Variants in SHISA9 observed in about 807,000 individuals in gnomAD.
SHISA9 encodes the protein protein shisa-9.
Under a neutral mutation model 38.0 loss-of-function variants are expected in SHISA9, and 13 were observed. The ratio of observed to expected loss-of-function variants is 0.34; its 90% CI spans 0.22 to 0.54. SHISA9 has a LOEUF of 0.54. Ranked by LOEUF, SHISA9 falls within the 20% of genes least tolerant of loss-of-function variation. The pLI is 0.91. For synonymous variants in SHISA9, 275 were observed against 242.0 expected, an observed-to-expected ratio of 1.14 and a Z score of -1.27; for missense variants, 538 against 575.8, an observed-to-expected ratio of 0.93 and a Z score of 0.67.
chr16:12,928,903 C>G (rs571394145), intron 2 of SHISA9, among the ~76,000 whole-genome samples: 2 of 152,306 alleles, frequency 1.3e-5, no homozygotes, highest in Admixed American at 1.3e-4. Context: ...CAAACTGTTT[C>G]TTGTGAACAT....
intron 2 of SHISA9, among the ~76,000 whole-genome samples, chr16:12,924,678 T>G (rs909417927): frequency 1.3e-5 from 2 of 152,196 alleles, no homozygotes; most frequent in Non-Finnish European, 2.9e-5. Context: ...TAGCCTGAAA[T>G]GAGTTTGATT....
intron 2 of SHISA9, among the ~76,000 whole-genome samples, chr16:13,156,383 G>A (rs573528463): frequency 1.1e-4 from 16 of 152,252 alleles, no homozygotes; most frequent in South Asian, 2.1e-4. Context: ...GTGTACACGC[G>A]TATATGCACA....
At chr16:13,043,187 G>C (rs1228931903) in intron 2 of SHISA9, among the ~76,000 whole-genome samples, 1 of 152,166 alleles carries the variant, frequency 6.6e-6, no homozygotes, top group African/African-American at 2.4e-5. Context: ...CATCTAACCA[G>C]TAAGTGGTGG....
At chr16:13,044,755 G>T (rs2073167957) in intron 2 of SHISA9, among the ~76,000 whole-genome samples, 2 of 152,178 alleles carry the variant, frequency 1.3e-5, no homozygotes, top group Admixed American at 1.3e-4. Context: ...GTTTTTCATT[G>T]TGTGACGAAT....
At chr16:12,947,222 T>C (rs1333205619) in intron 2 of SHISA9, among the ~76,000 whole-genome samples, 2 of 152,158 alleles carry the variant, frequency 1.3e-5, no homozygotes, top group African/African-American at 4.8e-5. Context: ...GAGAAGCAAG[T>C]ATACCTGGAA....
chr16:13,266,687 C>T, the SHISA9 span, among the ~76,000 whole-genome samples: 3 of 152,268 alleles, frequency 2.0e-5, no homozygotes, highest in African/African-American at 7.2e-5. Context: ...CCAAGGATAG[C>T]TCTGGGGACC....
intron 2 of SHISA9, among the ~76,000 whole-genome samples, chr16:12,933,000 A>G (rs961995138): frequency 2.0e-5 from 3 of 152,190 alleles, no homozygotes; most frequent in South Asian, 2.1e-4. Context: ...ATGATTTTGC[A>G]AATGAGGGGA....
At chr16:13,457,203 G>T in the SHISA9 span, among the ~76,000 whole-genome samples, 1 of 152,216 alleles carries the variant, frequency 6.6e-6, no homozygotes, top group South Asian at 2.1e-4. Context: ...CTACTCAGGA[G>T]GCTGAGGCAG....
At chr16:13,464,632 T>C in the SHISA9 span, among the ~76,000 whole-genome samples, 1 of 152,198 alleles carries the variant, frequency 6.6e-6, no homozygotes, top group Non-Finnish European at 1.5e-5. Flanking sequence ...TTGCTTTCCC[T>C]GATTAGAGCA....
chr16:13,412,731 C>T, the SHISA9 span, among the ~76,000 whole-genome samples: 4 of 151,624 alleles, frequency 2.6e-5, no homozygotes, highest in African/African-American at 7.3e-5. Context: ...GTGGCACACA[C>T]TGGTAGTTCC....
At chr16:13,501,548 T>C in the SHISA9 span, among the ~76,000 whole-genome samples, 2 of 152,140 alleles carry the variant, frequency 1.3e-5, no homozygotes, top group Non-Finnish European at 2.9e-5. Flanking sequence ...ACAGCAATAT[T>C]CTCCATTTGT....
the SHISA9 span, among the ~76,000 whole-genome samples, chr16:13,541,870 A>G: frequency 6.6e-6 from 1 of 152,216 alleles, no homozygotes; most frequent in African/African-American, 2.4e-5. Flanking sequence ...TGAGGTCAGG[A>G]CTTTTCATTC....
chr16:13,471,566 G>A, the SHISA9 span, among the ~76,000 whole-genome samples: 192 of 152,260 alleles, frequency 1.3e-3, no homozygotes, highest in African/African-American at 4.4e-3. Flanking sequence ...TGCTTCCCCT[G>A]CAGTGACAAC....
chr16:13,121,337 A>C (rs1488738116), intron 2 of SHISA9, among the ~76,000 whole-genome samples: 1 of 152,094 alleles, frequency 6.6e-6, no homozygotes, highest in Non-Finnish European at 1.5e-5. Context: ...AAAAATTTTA[A>C]AATTAGCCAG....
chr16:13,332,150 C>T, the SHISA9 span, among the ~76,000 whole-genome samples: 1 of 152,148 alleles, frequency 6.6e-6, no homozygotes, highest in Non-Finnish European at 1.5e-5. Context: ...AGGCCCTCTG[C>T]TGGTATACTG....
At chr16:13,039,699 A>G (rs1049899518) in intron 2 of SHISA9, among the ~76,000 whole-genome samples, 9 of 152,188 alleles carry the variant, frequency 5.9e-5, no homozygotes. Context: ...AATGAGGAGT[A>G]GTTGGTGTAC....
chr16:13,395,988 AT>A, the SHISA9 span, among the ~76,000 whole-genome samples: 1 of 152,184 alleles, frequency 6.6e-6, no homozygotes, highest in African/African-American at 2.4e-5. Flanking sequence ...ATCTCTTTTT[AT>A]TTGAAACACG....
At chr16:13,278,218 T>A in the SHISA9 span, among the ~76,000 whole-genome samples, 2 of 152,170 alleles carry the variant, frequency 1.3e-5, no homozygotes, top group Non-Finnish European at 2.9e-5. Flanking sequence ...TGTATCACAT[T>A]TATTGACTTG....
chr16:13,343,504 T>A, the SHISA9 span, among the ~76,000 whole-genome samples: 380 of 152,142 alleles, frequency 2.5e-3, 1 homozygote, highest in Non-Finnish European at 4.2e-3. Flanking sequence ...GACAATCCCT[T>A]CAGTCAAAAA....
Sources: gnomAD v4.1 joint callset for allele counts (sites outside exome capture counted in the v4.1 genomes callset) on GRCh38, gnomAD v4.1.1 for gene constraint, MANE v1.5 for transcripts, NCBI Gene and HGNC (gene_info 2026-07-23, HGNC 2026-07-21) for gene names.